LARP1: variants seen among roughly 807,000 people sequenced by gnomAD.
LARP1 encodes La ribonucleoprotein 1, translational regulator.
A neutral mutation model predicts 122.7 loss-of-function variants in LARP1; 36 were observed. The ratio of observed to expected loss-of-function variants is 0.29; its 90% CI spans 0.22 to 0.39. The LOEUF (loss-of-function observed/expected upper bound fraction) is 0.39. LARP1 is among the 10% of genes least tolerant of loss of function. The pLI is 1.00. For missense variants in LARP1, 1,040 were observed against 1,403.6 expected (o/e 0.74, Z 4.14); for synonymous variants, 539 against 528.7 (o/e 1.02, Z -0.27).
intron 1 of LARP1, among the ~76,000 whole-genome samples, chr5:154,700,384 T>A (rs1260553853): frequency 6.6e-6 from 1 of 151,890 alleles, no homozygotes; most frequent in Admixed American, 6.6e-5. Context: ...TAAAATATTG[T>A]GGCTGGTCGC....
At chr5:154,693,295 G>C (rs915284838) in intron 1 of LARP1, among the ~76,000 whole-genome samples, 1 of 151,982 alleles carries the variant, frequency 6.6e-6, no homozygotes, top group Non-Finnish European at 1.5e-5. Flanking sequence ...GAGCCACCAC[G>C]CCCTGCTAAT....
At chr5:154,690,194 A>G (rs983915978) in intron 1 of LARP1, among the ~76,000 whole-genome samples, 2 of 152,060 alleles carry the variant, frequency 1.3e-5, no homozygotes, top group African/African-American at 4.8e-5. Context: ...TGCTGCCCCT[A>G]CCCCATTGCA....
intron 1 of LARP1, chr5:154,685,807 CA>C: frequency 8.7e-6 from 4 of 459,772 alleles, no homozygotes; most frequent in African/African-American, 2.8e-5. Flanking sequence ...CTCAACTCTA[CA>C]ATTTTTTTTT....
intron 1 of LARP1, among the ~76,000 whole-genome samples, chr5:154,739,891 T>A (rs183995664): frequency 1.3e-5 from 2 of 152,060 alleles, no homozygotes; most frequent in African/African-American, 2.4e-5. Flanking sequence ...AGAACCTGAG[T>A]CTAAGAGGTT....
intron 1 of LARP1, among the ~76,000 whole-genome samples, chr5:154,697,581 A>T (rs1754523723): frequency 6.6e-6 from 1 of 152,246 alleles, no homozygotes; most frequent in Non-Finnish European, 1.5e-5. Context: ...ATTCAGCCAT[A>T]ACAGGGAATG....
At chr5:154,780,493 G>A (rs1756334167) in intron 1 of LARP1, among the ~76,000 whole-genome samples, 1 of 152,214 alleles carries the variant, frequency 6.6e-6, no homozygotes, top group Admixed American at 6.5e-5. Flanking sequence ...TTGTTGAGGA[G>A]CAGATATTGG....
intron 1 of LARP1, among the ~76,000 whole-genome samples, chr5:154,699,188 G>A (rs947813517): frequency 6.6e-6 from 1 of 152,166 alleles, no homozygotes; most frequent in African/African-American, 2.4e-5. Flanking sequence ...TGTAGTTAAA[G>A]CTCCAGAATA....
intron 1 of LARP1, among the ~76,000 whole-genome samples, chr5:154,738,173 C>G (rs182385337): frequency 1.1e-3 from 163 of 152,350 alleles, no homozygotes; most frequent in Non-Finnish European, 6.9e-4. Flanking sequence ...CTGCCATTCC[C>G]TAAGCAGTCT....
chr5:154,702,846 G>A (rs1406117986), intron 1 of LARP1, among the ~76,000 whole-genome samples: 2 of 151,830 alleles, frequency 1.3e-5, no homozygotes, highest in Non-Finnish European at 2.9e-5. Flanking sequence ...TGTGCTGGGC[G>A]AGATGGCTCA....
chr5:154,781,000 T>C (rs1582391324), intron 1 of LARP1, among the ~76,000 whole-genome samples: 1 of 151,588 alleles, frequency 6.6e-6, no homozygotes, highest in Non-Finnish European at 1.5e-5. Context: ...GAGGTGGAGG[T>C]GGCAGTGAGC....
chr5:154,795,347 G>T (rs531161304), intron 8 of LARP1, 28 bp downstream of exon 8: 1 of 1,608,942 alleles, frequency 6.2e-7, no homozygotes, highest in Non-Finnish European at 8.5e-7. Context: ...GAGCTGGGAT[G>T]CAGGGGAAAG....
chr5:154,809,277 C>G (rs1333582099), intron 16 of LARP1, among the ~76,000 whole-genome samples: 1 of 151,012 alleles, frequency 6.6e-6, no homozygotes, highest in African/African-American at 2.4e-5. Context: ...CCAGCCTGGG[C>G]TCAAGCGATC....
intron 1 of LARP1, among the ~76,000 whole-genome samples, chr5:154,689,429 C>T (rs536566380): frequency 6.0e-4 from 91 of 151,774 alleles, no homozygotes; most frequent in Middle Eastern, 3.4e-3. Flanking sequence ...CCAGCCCAAA[C>T]GACAGTGTGA....
intron 1 of LARP1, among the ~76,000 whole-genome samples, chr5:154,776,030 C>T (rs1021635940): frequency 4.7e-4 from 72 of 152,146 alleles, no homozygotes; most frequent in African/African-American, 1.6e-3. Context: ...TAAATATGGC[C>T]GGGCTTGGTG....
At chr5:154,790,024 CTG>C (rs540731246) in intron 1 of LARP1, among the ~76,000 whole-genome samples, 4 of 152,216 alleles carry the variant, frequency 2.6e-5, no homozygotes, top group Non-Finnish European at 4.4e-5. Flanking sequence ...GCCTCAGTCT[CTG>C]TTACGGAACT....
chr5:154,790,588 G>T, intron 2 of LARP1, 57 bp from the exon 3 acceptor site: 1 of 1,581,650 alleles, frequency 6.3e-7, no homozygotes, highest in Non-Finnish European at 8.7e-7. Flanking sequence ...TGGGTCGGGG[G>T]CTGAATAGCA....
intron 1 of LARP1, among the ~76,000 whole-genome samples, chr5:154,706,075 C>G (rs564847242): frequency 6.6e-6 from 1 of 152,048 alleles, no homozygotes; most frequent in East Asian, 1.9e-4. Context: ...GTGAGCAGAT[C>G]ACCTGAGGTC....
chr5:154,787,357 C>A (rs1049942725), intron 1 of LARP1, among the ~76,000 whole-genome samples: 2 of 152,162 alleles, frequency 1.3e-5, no homozygotes, highest in Non-Finnish European at 2.9e-5. Flanking sequence ...GCATTGGCGG[C>A]CATTACAGAT....
exon 1 of LARP1, chr5:154,712,925 C>A (rs1373839220): frequency 6.2e-7 from 1 of 1,613,986 alleles, no homozygotes; most frequent in Admixed American, 1.7e-5. Flanking sequence ...CTGGTCACTC[C>A]ATGCTTTGGA....
Sources: allele counts gnomAD v4.1 joint callset (sites outside exome capture counted in the v4.1 genomes callset), GRCh38; gene constraint gnomAD v4.1.1; transcripts MANE v1.5; gene names NCBI Gene and HGNC (gene_info 2026-07-23, HGNC 2026-07-21).